The following DTWD2 variants were observed in gnomAD, a reference collection of about 807,000 sequenced individuals.
The protein encoded by DTWD2 is tRNA-uridine aminocarboxypropyltransferase 2.
Under a neutral mutation model 31.8 loss-of-function variants are expected in DTWD2, and 39 were observed. The ratio of observed to expected loss-of-function variants is 1.22; its 90% confidence interval spans 0.95 to 1.60. The LOEUF (loss-of-function observed/expected upper bound fraction) is 1.60, where lower values mean the gene tolerates loss of function less well. DTWD2 is among the 40% of genes most tolerant of loss of function. The pLI, the probability that DTWD2 is intolerant of heterozygous loss-of-function variation, is 0.00. For missense variants in DTWD2, 515 were observed against 381.5 expected (o/e 1.35, Z -2.92); for synonymous variants, 180 against 142.8 (o/e 1.26, Z -1.86).
intron 4 of DTWD2, among the ~76,000 whole-genome samples, chr5:118,861,530 TCA>T (rs1299252352): frequency 6.6e-6 from 1 of 152,216 alleles, no homozygotes; most frequent in Non-Finnish European, 1.5e-5. Context: ...AATCTCACCC[TCA>T]GTTTGGCTGA....
chr5:118,905,935 G>T (rs1753319323), intron 4 of DTWD2, among the ~76,000 whole-genome samples: 1 of 151,982 alleles, frequency 6.6e-6, no homozygotes, highest in Non-Finnish European at 1.5e-5. Flanking sequence ...TAAGAAGACA[G>T]ACTAGGAGAA....
chr5:118,945,218 C>A (rs992924532), intron 1 of DTWD2, among the ~76,000 whole-genome samples: 1 of 152,120 alleles, frequency 6.6e-6, no homozygotes, highest in Non-Finnish European at 1.5e-5. Context: ...ATTTAACTTA[C>A]CTTTTCTTAC....
chr5:118,909,349 T>C (rs1164696215), intron 4 of DTWD2, among the ~76,000 whole-genome samples: 2 of 152,190 alleles, frequency 1.3e-5, no homozygotes, highest in Admixed American at 1.3e-4. Flanking sequence ...TTCATAATCA[T>C]GAACCCCAGA....
chr5:118,875,668 T>C (rs1391601082), intron 4 of DTWD2, among the ~76,000 whole-genome samples: 1 of 149,128 alleles, frequency 6.7e-6, no homozygotes, highest in Non-Finnish European at 1.5e-5. Context: ...GAGCTAACTA[T>C]CCTAAATATG....
chr5:118,868,870 G>A (rs541986094), intron 4 of DTWD2, among the ~76,000 whole-genome samples: 1 of 151,630 alleles, frequency 6.6e-6, no homozygotes, highest in East Asian at 1.9e-4. Flanking sequence ...AGATGGGGTG[G>A]GAGGGGAGGA....
intron 1 of DTWD2, among the ~76,000 whole-genome samples, chr5:118,964,362 G>A (rs1172940739): frequency 2.6e-5 from 4 of 152,094 alleles, no homozygotes; most frequent in Non-Finnish European, 4.4e-5. Flanking sequence ...TGAAAGAGAT[G>A]CCAGGGGAAA....
chr5:118,841,802 G>C (rs1580758996), intron 5 of DTWD2, among the ~76,000 whole-genome samples: 2 of 152,152 alleles, frequency 1.3e-5, no homozygotes, highest in East Asian at 1.9e-4. Context: ...CACTATGCCA[G>C]TGTTTTAAAC....
intron 1 of DTWD2, among the ~76,000 whole-genome samples, chr5:118,972,464 C>A (rs1338339729): frequency 6.6e-6 from 1 of 152,058 alleles, no homozygotes; most frequent in Non-Finnish European, 1.5e-5. Context: ...AGTTCTGAAA[C>A]CAAGGCAGTA....
At chr5:118,945,839 A>T (rs1043785502) in intron 1 of DTWD2, among the ~76,000 whole-genome samples, 2 of 151,908 alleles carry the variant, frequency 1.3e-5, no homozygotes, top group African/African-American at 4.9e-5. Flanking sequence ...GATCCCAGAT[A>T]TGGGAGTAAA....
chr5:118,976,312 G>T (rs559478323), intron 1 of DTWD2, among the ~76,000 whole-genome samples: 67 of 152,142 alleles, frequency 4.4e-4, no homozygotes, highest in African/African-American at 1.6e-3. Flanking sequence ...TCAAAAGCTA[G>T]CAACAGACAA....
intron 1 of DTWD2, among the ~76,000 whole-genome samples, chr5:118,964,506 A>G (rs1391727734): frequency 6.6e-6 from 1 of 152,092 alleles, no homozygotes; most frequent in East Asian, 1.9e-4. Context: ...GCTGGACTGT[A>G]CTGCCGCCAT....
At position 118,958,576 on chromosome 5, in the gene DTWD2, C is replaced by T. The variant is rs530313528; in HGVS notation, c.219-13927G>A. Among the ~76,000 whole-genome samples the T allele has an allele frequency of 7.7e-3, 971 of 126,538 alleles. 13 individuals are homozygous for T. The highest frequency in any genetic ancestry group is 0.028 in the African/African-American group (932 of 33,848). 83.0% of individuals were successfully genotyped at this position (126,538 alleles called of 152,430 possible). A position where few individuals can be genotyped will look rare whatever the true frequency, so the allele number is the denominator to read the frequency against. On this transcript the variant is annotated intron_variant, in intron 1 of 5. Coordinates refer to ENST00000510708, the MANE Select transcript of DTWD2 (RefSeq NM_173666.4). ...AAATATAACATTAACACCAACCCCA[C>T]AGAAAGACAAAAAAAAAAAAAAAAG...
chr5:118,881,816 T>TTC (rs1380196808), intron 4 of DTWD2, among the ~76,000 whole-genome samples: 1 of 152,178 alleles, frequency 6.6e-6, no homozygotes, highest in African/African-American at 2.4e-5. Flanking sequence ...AGCCCCATTA[T>TTC]TCGATCACTT....
chr5:118,863,488 T>C (rs1752313483), intron 4 of DTWD2, among the ~76,000 whole-genome samples: 1 of 152,140 alleles, frequency 6.6e-6, no homozygotes, highest in Non-Finnish European at 1.5e-5. Flanking sequence ...TTCTTTTGAG[T>C]CAACTGCATA....
chr5:118,896,363 T>C (rs185466139), intron 4 of DTWD2, among the ~76,000 whole-genome samples: 167 of 152,210 alleles, frequency 1.1e-3, no homozygotes, highest in South Asian at 5.4e-3. Flanking sequence ...TCTGAGCCTG[T>C]AATACTACAT....
intron 3 of DTWD2, among the ~76,000 whole-genome samples, chr5:118,937,993 A>G (rs1171204188): frequency 6.6e-6 from 1 of 152,192 alleles, no homozygotes; most frequent in East Asian, 1.9e-4. Context: ...TGATTGTGCT[A>G]ATCATTTCAC....
rs993171664 is a variant in DTWD2, at chr5:118,988,303, G to A, written c.209C>T (p.Thr70Ile). ...CCAGCCCCGCGGTCACCTGCAGCGG[G>A]TGCACTCAGGCCTCCGCTCGGCCGG... ...VEPAERRPEC[T>I]RCSRPQKVCL... The change falls in exon 1 of 6, where the codon ACC becomes ATC. Residue 70 changes from threonine (T) to isoleucine (I), a missense_variant. Transcript: ENST00000510708. 4 of 1,523,122 alleles carry A rather than the reference G, an allele frequency of 2.6e-6. No homozygotes were observed. The highest frequency in any genetic ancestry group is 2.8e-5 in the African/African-American group (2 of 71,606). The allele number at this position is 1,523,122 out of a possible 1,614,324, so 94.4% of individuals were successfully genotyped here.
At chr5:118,882,716 C>T (rs1752768765) in intron 4 of DTWD2, among the ~76,000 whole-genome samples, 1 of 152,226 alleles carries the variant, frequency 6.6e-6, no homozygotes, top group African/African-American at 2.4e-5. Flanking sequence ...TGAGCTGTAC[C>T]TTAGCCTACC....
At chr5:118,913,570 A>T (rs1258764204) in intron 4 of DTWD2, among the ~76,000 whole-genome samples, 1 of 151,814 alleles carries the variant, frequency 6.6e-6, no homozygotes, top group East Asian at 1.9e-4. Context: ...TTCACTTGTC[A>T]CAAGAACAAA....
Sources: gnomAD v4.1 joint callset for allele counts (sites outside exome capture counted in the v4.1 genomes callset) on GRCh38, gnomAD v4.1.1 for gene constraint, MANE v1.5 for transcripts, NCBI Gene and HGNC (gene_info 2026-07-23, HGNC 2026-07-21) for gene names.